Variants in CTNNA3 observed in about 807,000 individuals in gnomAD.
CTNNA3 encodes the protein catenin alpha-3.
A neutral mutation model predicts 95.7 loss-of-function variants in CTNNA3; 76 were observed. The observed-to-expected ratio is 0.79, with a 90% CI of 0.66 to 0.96. The LOEUF (loss-of-function observed/expected upper bound fraction) is 0.96, where lower values mean the gene tolerates loss of function less well. CTNNA3 is among the 40% of genes least tolerant of loss of function. The probability of loss-of-function intolerance (pLI) is 0.00; values close to 1 mark genes in which losing one functional copy is unlikely to be tolerated. For missense variants in CTNNA3, 1,191 were observed against 1,089.8 expected (o/e 1.09, Z -1.31); for synonymous variants, 431 against 374.4 (o/e 1.15, Z -1.74).
At chr10:66,145,498 A>G (rs1358352407) in intron 13 of CTNNA3, among the ~76,000 whole-genome samples, 2 of 152,194 alleles carry the variant, frequency 1.3e-5, no homozygotes, top group Non-Finnish European at 2.9e-5. Context: ...AAATATCTCT[A>G]TATATCATTT....
At chr10:67,199,359 C>A (rs1353670068) in intron 6 of CTNNA3, among the ~76,000 whole-genome samples, 1 of 125,606 alleles carries the variant, frequency 8.0e-6, no homozygotes, top group Non-Finnish European at 1.5e-5. Flanking sequence ...TTTTGTTTTT[C>A]CTTTTTGTTG....
intron 6 of CTNNA3, among the ~76,000 whole-genome samples, chr10:67,193,701 T>C (rs1259866202): frequency 2.0e-5 from 3 of 152,082 alleles, no homozygotes; most frequent in African/African-American, 7.2e-5. Flanking sequence ...TAGTATTCCA[T>C]GATATATATG....
intron 11 of CTNNA3, among the ~76,000 whole-genome samples, chr10:66,399,663 C>T (rs1301330089): frequency 2.0e-5 from 3 of 151,940 alleles, no homozygotes; most frequent in Admixed American, 2.0e-4. Context: ...CAGATCTATG[C>T]TGTCATCTAA....
chr10:66,387,850 A>AAACC (rs1236020180), intron 11 of CTNNA3, among the ~76,000 whole-genome samples: 1 of 152,134 alleles, frequency 6.6e-6, no homozygotes, highest in Non-Finnish European at 1.5e-5. Context: ...CAAGGACAGA[A>AAACC]AACCAAACAC....
chr10:66,260,071 T>C (rs1337579686), intron 13 of CTNNA3, among the ~76,000 whole-genome samples: 1 of 152,090 alleles, frequency 6.6e-6, no homozygotes, highest in Non-Finnish European at 1.5e-5. Flanking sequence ...CCATTGTCTC[T>C]CCCAAAGCAC....
intron 13 of CTNNA3, among the ~76,000 whole-genome samples, chr10:66,181,035 G>C (rs1438245408): frequency 6.6e-6 from 1 of 152,104 alleles, no homozygotes; most frequent in African/African-American, 2.4e-5. Context: ...AAGAGGATTT[G>C]ACTGATGGTA....
At chr10:66,604,488 C>T (rs1844046157) in intron 10 of CTNNA3, among the ~76,000 whole-genome samples, 2 of 152,114 alleles carry the variant, frequency 1.3e-5, no homozygotes, top group South Asian at 2.1e-4. Context: ...TGCTGACATA[C>T]GCGGATGAAG....
chr10:66,268,274 G>A (rs1462117798), intron 13 of CTNNA3, among the ~76,000 whole-genome samples: 1 of 152,056 alleles, frequency 6.6e-6, no homozygotes, highest in East Asian at 1.9e-4. Context: ...AATCCGGGAG[G>A]CTTTTAACTT....
chr10:67,720,251 T>C (rs1345265814), intron 1 of CTNNA3, among the ~76,000 whole-genome samples: 2 of 150,338 alleles, frequency 1.3e-5, no homozygotes, highest in East Asian at 3.9e-4. Flanking sequence ...TTCAGGTGTA[T>C]TCACACTGAT....
intron 5 of CTNNA3, among the ~76,000 whole-genome samples, chr10:67,347,031 AT>A (rs1842446332): frequency 6.6e-6 from 1 of 151,498 alleles, no homozygotes; most frequent in East Asian, 1.9e-4. Flanking sequence ...ATTTTATCTA[AT>A]TCTTGATCTA....
At chr10:67,228,098 T>C (rs561277684) in intron 5 of CTNNA3, among the ~76,000 whole-genome samples, 124 of 152,184 alleles carry the variant, frequency 8.1e-4, no homozygotes, top group Middle Eastern at 6.8e-3. Context: ...ACTGACACTC[T>C]ACGGCTATAC....
intron 12 of CTNNA3, among the ~76,000 whole-genome samples, chr10:66,317,002 T>C (rs921956593): frequency 3.9e-5 from 6 of 152,102 alleles, no homozygotes; most frequent in Admixed American, 3.9e-4. Flanking sequence ...AGATGAAAGT[T>C]CATAAAATGC....
chr10:66,591,832 A>G (rs959448586), intron 10 of CTNNA3, among the ~76,000 whole-genome samples: 14 of 152,106 alleles, frequency 9.2e-5, no homozygotes, highest in African/African-American at 3.4e-4. Context: ...GCGAGTTAAT[A>G]ATACACAGGA....
chr10:66,821,646 T>G (rs979459975), intron 7 of CTNNA3, among the ~76,000 whole-genome samples: 1 of 152,208 alleles, frequency 6.6e-6, no homozygotes, highest in African/African-American at 2.4e-5. Context: ...TTCCTAAATG[T>G]TTAGCATTAT....
chr10:66,768,042 G>C (rs1035546859), intron 8 of CTNNA3, among the ~76,000 whole-genome samples: 8 of 152,152 alleles, frequency 5.3e-5, no homozygotes, highest in Non-Finnish European at 5.9e-5. Flanking sequence ...CTGTCTATAG[G>C]AAGTACACCA....
intron 11 of CTNNA3, among the ~76,000 whole-genome samples, chr10:66,473,831 C>G (rs1304223970): frequency 6.6e-6 from 1 of 152,034 alleles, no homozygotes; most frequent in Non-Finnish European, 1.5e-5. Flanking sequence ...CATGTCCCTA[C>G]AAAGGACATG....
chr10:66,353,907 T>A (rs199499823), intron 12 of CTNNA3, among the ~76,000 whole-genome samples: 2 of 150,730 alleles, frequency 1.3e-5, no homozygotes, highest in African/African-American at 4.9e-5. Context: ...AAAAAAAAAT[T>A]AAAAACACAC....
At chr10:67,028,660 A>AAG (rs1243258533) in intron 7 of CTNNA3, among the ~76,000 whole-genome samples, 2 of 151,934 alleles carry the variant, frequency 1.3e-5, no homozygotes, top group Non-Finnish European at 2.9e-5. Flanking sequence ...AAAAAAAAAA[A>AAG]AAAAAGTTCT....
chr10:67,326,735 G>C (rs939654913), intron 5 of CTNNA3, among the ~76,000 whole-genome samples: 1 of 152,056 alleles, frequency 6.6e-6, no homozygotes, highest in African/African-American at 2.4e-5. Context: ...AGTATCTTAG[G>C]GGTTCTCTGC....
Sources: gnomAD v4.1 joint callset for allele counts (sites outside exome capture counted in the v4.1 genomes callset) on GRCh38, gnomAD v4.1.1 for gene constraint, MANE v1.5 for transcripts, NCBI Gene and HGNC (gene_info 2026-07-23, HGNC 2026-07-21) for gene names.